The following KIF26B variants were observed in gnomAD, a reference collection of about 807,000 sequenced individuals.
KIF26B encodes kinesin family member 26B, also known as kinesin-like protein KIF26B.
In KIF26B, 63 loss-of-function variants were observed where a neutral mutation model predicts 151.2. The observed-to-expected ratio is 0.42, with a 90% confidence interval of 0.34 to 0.51. KIF26B has a LOEUF of 0.51. Ranked by LOEUF, KIF26B falls within the 20% of genes least tolerant of loss-of-function variation. The pLI, the probability that KIF26B is intolerant of heterozygous loss-of-function variation, is 0.07. For synonymous variants in KIF26B, 1,357 were observed against 1,262.1 expected (o/e 1.08, Z -1.59); for missense variants, 2,813 against 2,913.6 (o/e 0.97, Z 0.79).
At chr1:245,613,892 T>C (rs1302520856) in intron 9 of KIF26B, among the ~76,000 whole-genome samples, 2 of 152,220 alleles carry the variant, frequency 1.3e-5, no homozygotes, top group Non-Finnish European at 2.9e-5. Context: ...TATACAGTCA[T>C]GTAGCCACCA....
Position 245,397,443 on chromosome 1 carries a change from C to T in KIF26B, c.1000-22136C>T, listed in dbSNP as rs142533554. Among the ~76,000 whole-genome samples, 594 of 152,074 alleles carry T rather than the reference C, an allele frequency of 3.9e-3. 5 individuals carry two copies. The highest frequency in any genetic ancestry group is 0.014 in the African/African-American group (566 of 41,476). ...GTTGGTCAGGCTGGTATCGAACTCC[C>T]GACCTCAGGTGATCCACCCTCCTCC... On this transcript the variant is annotated intron_variant, in intron 3 of 14. Transcript: ENST00000407071.
At chr1:245,242,708 G>A (rs1421320610) in intron 2 of KIF26B, among the ~76,000 whole-genome samples, 4 of 152,152 alleles carry the variant, frequency 2.6e-5, no homozygotes, top group East Asian at 1.9e-4. Context: ...CTGGAGTGGA[G>A]TGGCGTGATC....
chr1:245,507,032 C>T (rs541355189), intron 4 of KIF26B, among the ~76,000 whole-genome samples: 5 of 152,122 alleles, frequency 3.3e-5, no homozygotes, highest in Non-Finnish European at 7.4e-5. Flanking sequence ...GGTAGACTTC[C>T]TCATACCTCC....
intron 9 of KIF26B, among the ~76,000 whole-genome samples, chr1:245,618,985 G>A (rs56020124): frequency 0.023 from 3,274 of 140,252 alleles, 144 homozygotes; most frequent in Admixed American, 0.049. Context: ...CTGCATCAGT[G>A]TCCAAGCCCT....
chr1:245,244,207 T>A lies in KIF26B; in HGVS notation c.465+87524T>A, dbSNP rs759772869. On this transcript the variant is annotated intron_variant, in intron 2 of 14. Coordinates refer to ENST00000407071, the MANE Select transcript of KIF26B (RefSeq NM_018012.4). This position sits in a 1 kb window ranked among gnomAD's most constrained non-coding sequence, Gnocchi z 4.2. ...CCTGGCCTCAAGCAATCTTTCCACC[T>A]TAGCCTCCCAAAGTGCTGGGATTGT... Among the ~76,000 whole-genome samples, 5 of 152,164 alleles carry A rather than the reference T, an allele frequency of 3.3e-5. No individual in the cohort carries two copies. The highest frequency in any genetic ancestry group is 7.3e-5 in the Non-Finnish European group (5 of 68,036).
Position 245,687,699 on chromosome 1 carries a change from C to A in KIF26B, c.4716C>A (p.Pro1572=), listed in dbSNP as rs751210479. 8.2e-6 allele frequency: 13 copies of A among 1,583,110 alleles called. No homozygotes were observed. The East Asian group carries it at 3.0e-4, about 37-fold the overall frequency. Residue 1572 remains proline, a synonymous_variant, in exon 12 of 15, where the codon CCC becomes CCA. Coordinates refer to ENST00000407071, the MANE Select transcript of KIF26B (RefSeq NM_018012.4). The surrounding 1 kb of genome is among the most constrained non-coding windows in gnomAD (Gnocchi z 4.9). The part of the protein sequence containing the change: ...NGVGAASGTP[P]SKATLEGKVA... ...TGGGTGCAGCCTCGGGCACCCCGCC[C>A]TCCAAGGCTACCCTGGAGGGGAAGG...
chr1:245,241,768 C>T lies in KIF26B; in HGVS notation c.465+85085C>T, dbSNP rs1427432736. Among the ~76,000 whole-genome samples, 6 of 152,302 alleles carry T rather than the reference C, an allele frequency of 3.9e-5. No individual in the cohort carries two copies. The highest frequency in any genetic ancestry group is 3.9e-4 in the East Asian group (2 of 5,184). ...TGTGGGCAGTGCTTCACAGCGGCAG[C>T]GGGAGCACTGGGTGCAGCCTCTGGA... is the stretch of plus-strand genomic sequence containing the variant. On this transcript the variant is annotated intron_variant, in intron 2 of 14. Coordinates refer to ENST00000407071, the MANE Select transcript of KIF26B (RefSeq NM_018012.4). The surrounding 1 kb of genome is among the most constrained non-coding windows in gnomAD (Gnocchi z 5.0).
At chr1:245,378,977 T>C (rs1170874781) in intron 3 of KIF26B, among the ~76,000 whole-genome samples, 1 of 152,200 alleles carries the variant, frequency 6.6e-6, no homozygotes, top group African/African-American at 2.4e-5. Flanking sequence ...CTCCGTGAAG[T>C]TGACTGAACC....
intron 2 of KIF26B, among the ~76,000 whole-genome samples, chr1:245,299,399 T>C (rs1484260961): frequency 2.7e-5 from 4 of 150,562 alleles, no homozygotes; most frequent in Admixed American, 6.7e-5. Flanking sequence ...ATTTCTGATG[T>C]CGTGCCAGCT....
At chr1:245,510,589 TC>T (rs1293062513) in intron 4 of KIF26B, among the ~76,000 whole-genome samples, 4 of 149,710 alleles carry the variant, frequency 2.7e-5, no homozygotes, top group Non-Finnish European at 5.9e-5. Context: ...TCTCTCTCTC[TC>T]TCTCTCTCTC....
chr1:245,475,764 T>C (rs897149743), intron 4 of KIF26B, among the ~76,000 whole-genome samples: 6 of 151,756 alleles, frequency 4.0e-5, no homozygotes, highest in African/African-American at 7.2e-5. Context: ...ATTTTGAGCA[T>C]TGGTGAGGAT....
intron 2 of KIF26B, among the ~76,000 whole-genome samples, chr1:245,202,557 G>A (rs1423352105): frequency 1.3e-5 from 2 of 152,032 alleles, no homozygotes; most frequent in Admixed American, 6.5e-5. Flanking sequence ...CCAGGAGTTC[G>A]AGACCAACCT....
At chr1:245,556,392 T>C (rs1662040526) in intron 5 of KIF26B, among the ~76,000 whole-genome samples, 1 of 118,538 alleles carries the variant, frequency 8.4e-6, no homozygotes, top group Non-Finnish European at 1.6e-5. Flanking sequence ...TTCTTCTTCC[T>C]TCTTTCTTCT....
chr1:245,256,193 A>C (rs1670530809), intron 2 of KIF26B, among the ~76,000 whole-genome samples: 4 of 152,056 alleles, frequency 2.6e-5, no homozygotes, highest in Non-Finnish European at 5.9e-5. Flanking sequence ...AAAATCTAAG[A>C]TCCTTCTCTT....
intron 9 of KIF26B, among the ~76,000 whole-genome samples, chr1:245,618,184 GTCT>G (rs1292531661): frequency 6.6e-6 from 1 of 152,224 alleles, no homozygotes; most frequent in Non-Finnish European, 1.5e-5. Context: ...TCTTTGTAAT[GTCT>G]TCTTTGAATT....
At chr1:245,366,675 C>G (rs553457861) in intron 2 of KIF26B, among the ~76,000 whole-genome samples, 159 bp from the exon 3 acceptor site, 2 of 152,202 alleles carry the variant, frequency 1.3e-5, no homozygotes, top group East Asian at 3.9e-4. Flanking sequence ...AAAATAGAGG[C>G]TTTTCTGCCA....
intron 9 of KIF26B, among the ~76,000 whole-genome samples, chr1:245,636,146 T>C (rs2043831824): frequency 6.6e-6 from 1 of 152,170 alleles, no homozygotes; most frequent in Non-Finnish European, 1.5e-5. Context: ...GATAGTATTG[T>C]TCAAATTTAT....
At chr1:245,607,984 G>T (rs1240263979) in intron 7 of KIF26B, among the ~76,000 whole-genome samples, 1 of 152,226 alleles carries the variant, frequency 6.6e-6, no homozygotes, top group African/African-American at 2.4e-5. Flanking sequence ...TAGCAGAGTT[G>T]TTCCCACTTG....
intron 4 of KIF26B, among the ~76,000 whole-genome samples, chr1:245,501,200 C>CTGGT (rs1660613172): frequency 1.3e-5 from 2 of 152,340 alleles, no homozygotes; most frequent in South Asian, 4.1e-4. Context: ...ACCAGGCCAC[C>CTGGT]TGGGTCCAGA....
Sources: gnomAD v4.1 joint callset for allele counts (sites outside exome capture counted in the v4.1 genomes callset) on GRCh38, gnomAD v4.1.1 for gene constraint, Gnocchi (gnomAD v3.1) non-coding constraint, MANE v1.5 for transcripts, NCBI Gene and HGNC (gene_info 2026-07-23, HGNC 2026-07-21) for gene names.